WWOX: variants seen among roughly 807,000 people sequenced by gnomAD.
WWOX encodes WW domain-containing oxidoreductase.
Under a neutral mutation model 46.2 loss-of-function variants are expected in WWOX, and 69 were observed. The ratio of observed to expected loss-of-function variants is 1.49; its 90% CI spans 1.23 to 1.82. The LOEUF (loss-of-function observed/expected upper bound fraction) is 1.82, where lower values mean the gene tolerates loss of function less well. Among genes scored for constraint, WWOX ranks in the 40% most tolerant of loss-of-function variants. The pLI is 0.00. For synonymous variants in WWOX, 359 were observed against 202.6 expected, an observed-to-expected ratio of 1.77 and a Z score of -6.56; for missense variants, 919 against 542.6, an observed-to-expected ratio of 1.69 and a Z score of -6.89.
chr16:79,082,145 A>G (rs2048772061), intron 8 of WWOX, among the ~76,000 whole-genome samples: 1 of 152,200 alleles, frequency 6.6e-6, no homozygotes, highest in Non-Finnish European at 1.5e-5. Flanking sequence ...GCTAGTGGGT[A>G]AAGCCCGGGA....
intron 8 of WWOX, among the ~76,000 whole-genome samples, chr16:79,179,130 C>G (rs1191503154): frequency 6.6e-6 from 1 of 152,200 alleles, no homozygotes; most frequent in Non-Finnish European, 1.5e-5. Context: ...AACTCATCAT[C>G]TCATTTAAAC....
chr16:78,716,670 C>T lies in WWOX; in HGVS notation c.1056+283918C>T, dbSNP rs777294253. 5.9e-5 allele frequency among the ~76,000 whole-genome samples: 9 copies of T among 151,904 alleles called. 1 individual carries two copies. In the East Asian group the frequency reaches 7.8e-4, roughly 13 times the overall value. Reference sequence around the variant, plus strand: ...TCTCACTGTGCTGCTCCTTGGGTGACATCACACCCAAGGAGAATCATGGGA... The same window carrying T: ...TCTCACTGTGCTGCTCCTTGGGTGATATCACACCCAAGGAGAATCATGGGA... On this transcript the variant is annotated intron_variant, in intron 8 of 8. Coordinates refer to ENST00000566780, the MANE Select transcript of WWOX (RefSeq NM_016373.4).
chr16:79,032,755 C>CT (rs1567502128), intron 8 of WWOX, among the ~76,000 whole-genome samples: 1 of 151,316 alleles, frequency 6.6e-6, no homozygotes. Flanking sequence ...CAGGGTTCTT[C>CT]TTTTTTTAAA....
At chr16:78,727,597 A>G (rs1468961028) in intron 8 of WWOX, among the ~76,000 whole-genome samples, 1 of 152,190 alleles carries the variant, frequency 6.6e-6, no homozygotes, top group Admixed American at 6.5e-5. Flanking sequence ...CTACTGCTGT[A>G]GTTCATGAAA....
intron 8 of WWOX, among the ~76,000 whole-genome samples, chr16:78,556,690 G>C (rs770691949): frequency 4.6e-5 from 7 of 152,122 alleles, no homozygotes; most frequent in Non-Finnish European, 1.0e-4. Flanking sequence ...TGTTTTCCCT[G>C]AGACCGGCAA....
chr16:78,325,169 C>G (rs531728913), intron 5 of WWOX, among the ~76,000 whole-genome samples: 211 of 152,256 alleles, frequency 1.4e-3, no homozygotes, highest in Non-Finnish European at 2.4e-3. Context: ...GGAACTGGTT[C>G]CTTTGAATCC....
At chr16:79,025,691 C>A (rs542085584) in intron 8 of WWOX, among the ~76,000 whole-genome samples, 11 of 152,160 alleles carry the variant, frequency 7.2e-5, no homozygotes, top group African/African-American at 2.7e-4. Context: ...AGCTACCACA[C>A]AGATGCAGGA....
chr16:78,143,355 C>A (rs2034052155), intron 4 of WWOX, among the ~76,000 whole-genome samples: 1 of 152,218 alleles, frequency 6.6e-6, no homozygotes, highest in Middle Eastern at 3.4e-3. Flanking sequence ...GTCTTTAGTT[C>A]TTGTTTTGCT....
intron 8 of WWOX, among the ~76,000 whole-genome samples, chr16:79,152,144 TTC>T (rs1356439917): frequency 2.0e-5 from 3 of 152,220 alleles, no homozygotes; most frequent in Non-Finnish European, 2.9e-5. Flanking sequence ...TCGATTTTGT[TTC>T]TGTCGGCACT....
chr16:78,840,446 C>T (rs145447797), intron 8 of WWOX, among the ~76,000 whole-genome samples: 1 of 152,194 alleles, frequency 6.6e-6, no homozygotes, highest in Non-Finnish European at 1.5e-5. Flanking sequence ...AGCACAGTTA[C>T]AATGAAGAGG....
chr16:78,565,421 C>G (rs1019194537), intron 8 of WWOX, among the ~76,000 whole-genome samples: 1 of 152,142 alleles, frequency 6.6e-6, no homozygotes, highest in East Asian at 1.9e-4. Flanking sequence ...GGCTCTTGGC[C>G]CCTTCCTCTG....
intron 5 of WWOX, among the ~76,000 whole-genome samples, chr16:78,358,847 G>A (rs1393310978): frequency 7.2e-6 from 1 of 137,998 alleles, no homozygotes; most frequent in African/African-American, 2.7e-5. Context: ...ATTTCATAAA[G>A]TTGAAATCAC....
At chr16:79,107,163 A>G (rs2049327415) in intron 8 of WWOX, among the ~76,000 whole-genome samples, 1 of 151,174 alleles carries the variant, frequency 6.6e-6, no homozygotes, top group Admixed American at 6.6e-5. Flanking sequence ...TTGGTCTTCA[A>G]CTCCTGAGCT....
chr16:78,312,415 T>C (rs1021657715), intron 5 of WWOX, among the ~76,000 whole-genome samples: 2 of 146,726 alleles, frequency 1.4e-5, no homozygotes, highest in African/African-American at 5.0e-5. Flanking sequence ...TGTGCTCTTG[T>C]CACCTAGGCT....
At chr16:78,735,691 C>T (rs947108164) in intron 8 of WWOX, among the ~76,000 whole-genome samples, 3 of 152,192 alleles carry the variant, frequency 2.0e-5, no homozygotes, top group African/African-American at 4.8e-5. Context: ...CCACGGCCAC[C>T]GTGATGCCTG....
rs758107526 is a variant in WWOX, at chr16:78,931,219, A to G, written c.1057-280389A>G. Among the ~76,000 whole-genome samples, 3 of 152,198 alleles carry G rather than the reference A, an allele frequency of 2.0e-5. No homozygotes were observed. In the East Asian group the frequency reaches 5.8e-4, roughly 29 times the overall value. On this transcript the variant is annotated intron_variant, in intron 8 of 8. Coordinates refer to ENST00000566780, the MANE Select transcript of WWOX (RefSeq NM_016373.4). ...CACTCAGGAATAGTGGAAAACTGAC[A>G]AGACCCTGGAGATGCTGTGTGGGGA...
intron 8 of WWOX, among the ~76,000 whole-genome samples, chr16:78,615,512 G>A (rs1166059960): frequency 6.6e-6 from 1 of 151,862 alleles, no homozygotes; most frequent in East Asian, 1.9e-4. Flanking sequence ...ACTGGGTGTG[G>A]TGGTGCACAT....
chr16:79,173,339 T>C (rs778350651), intron 8 of WWOX, among the ~76,000 whole-genome samples: 1 of 152,202 alleles, frequency 6.6e-6, no homozygotes, highest in African/African-American at 2.4e-5. Context: ...TTTGTATGTT[T>C]GGGGTACAAC....
At chr16:78,809,993 A>C (rs1291572536) in intron 8 of WWOX, among the ~76,000 whole-genome samples, 1 of 152,156 alleles carries the variant, frequency 6.6e-6, no homozygotes, top group Middle Eastern at 3.2e-3. Flanking sequence ...GCACCAATAG[A>C]AACACCAAGA....
Sources: gnomAD v4.1 joint callset for allele counts (sites outside exome capture counted in the v4.1 genomes callset) on GRCh38, gnomAD v4.1.1 for gene constraint, MANE v1.5 for transcripts, NCBI Gene and HGNC (gene_info 2026-07-23, HGNC 2026-07-21) for gene names.